ACAP2: variants seen among roughly 807,000 people sequenced by gnomAD.
ACAP2 encodes the protein arf-GAP with coiled-coil, ANK repeat and PH domain-containing protein 2.
A neutral mutation model predicts 115.8 loss-of-function variants in ACAP2; 39 were observed. That is an observed-to-expected ratio of 0.34 (90% CI 0.26 to 0.44). The LOEUF (loss-of-function observed/expected upper bound fraction) is 0.44, where lower values mean the gene tolerates loss of function less well. ACAP2 is among the 20% of genes least tolerant of loss of function. The pLI, the probability that ACAP2 is intolerant of heterozygous loss-of-function variation, is 1.00. For missense variants in ACAP2, 662 were observed against 927.6 expected, an observed-to-expected ratio of 0.71 and a Z score of 3.72; for synonymous variants, 289 against 315.8, an observed-to-expected ratio of 0.92 and a Z score of 0.90.
chr3:195,427,334 T>G (rs1004196484), intron 1 of ACAP2, among the ~76,000 whole-genome samples: 5 of 152,202 alleles, frequency 3.3e-5, no homozygotes, highest in African/African-American at 1.2e-4. Flanking sequence ...TAAAATCATT[T>G]TGTGTCGTTT....
At chr3:195,303,929 A>T (rs758374799) in intron 13 of ACAP2, among the ~76,000 whole-genome samples, 2 of 152,128 alleles carry the variant, frequency 1.3e-5, no homozygotes, top group Non-Finnish European at 2.9e-5. Context: ...TGGGAAGCCG[A>T]GGTGAGTGGA....
rs747017320 is a variant in ACAP2 at position 195,279,237 on chromosome 3, A to C, written c.*91T>G. On this transcript the variant is annotated 3_prime_UTR_variant, in exon 23 of 23. Coordinates refer to ENST00000326793, the MANE Select transcript of ACAP2 (RefSeq NM_012287.6). ...AGCCATTCAATATCTACCAAAATTA[A>C]GTAGAATTAAAGCAGTAAAAAAATT... 45 of 760,420 alleles carry C rather than the reference A, an allele frequency of 5.9e-5. No homozygotes were observed. Among genetic ancestry groups the C allele is most frequent in the Non-Finnish European group, 6.2e-5 (29 of 468,254 alleles). The allele number at this position is 760,420 out of a possible 1,614,324, so 47.1% of individuals were successfully genotyped here. A position where few individuals can be genotyped will look rare whatever the true frequency, so the allele number is the denominator to read the frequency against.
chr3:195,322,458 CA>C (rs1394841895), intron 9 of ACAP2, among the ~76,000 whole-genome samples: 1 of 151,912 alleles, frequency 6.6e-6, no homozygotes, highest in Non-Finnish European at 1.5e-5. Context: ...AGACTAAATT[CA>C]GAATTTCAAA....
chr3:195,404,893 G>A (rs1438170988), intron 1 of ACAP2, among the ~76,000 whole-genome samples: 8 of 151,308 alleles, frequency 5.3e-5, no homozygotes, highest in Non-Finnish European at 7.4e-5. Flanking sequence ...TGCTTCCCAG[G>A]TTCAAGCGAT....
At position 195,301,741 on chromosome 3, in the gene ACAP2, C is replaced by T. The variant is rs746818915; in HGVS notation, c.1326-97G>A. 70 of 1,239,896 alleles carry T rather than the reference C, an allele frequency of 5.6e-5. No individual in the cohort carries two copies. In the Middle Eastern group the frequency reaches 1.9e-3, roughly 34 times the overall value. The allele number at this position is 1,239,896 out of a possible 1,614,324, so 76.8% of individuals were successfully genotyped here. A position where few individuals can be genotyped will look rare whatever the true frequency, so the allele number is the denominator to read the frequency against. On this transcript the variant is annotated intron_variant, in intron 14 of 22. Transcript: ENST00000326793. ...GTGACACAGGCTCTAATAAAGCCCT[C>T]GGCATACACATATAGGCACAGATCT...
At chr3:195,355,301 T>C (rs2108680803) in intron 4 of ACAP2, among the ~76,000 whole-genome samples, 1 of 131,338 alleles carries the variant, frequency 7.6e-6, no homozygotes, top group East Asian at 2.6e-4. Flanking sequence ...TTTTTTTTGG[T>C]AGTTATTGTT....
intron 4 of ACAP2, among the ~76,000 whole-genome samples, chr3:195,362,442 A>T (rs1295071998): frequency 1.3e-5 from 2 of 152,174 alleles, no homozygotes; most frequent in Non-Finnish European, 2.9e-5. Flanking sequence ...TCTGAAAAAT[A>T]GCAAAGGAGG....
At chr3:195,325,768 T>A (rs1729753973) in intron 9 of ACAP2, among the ~76,000 whole-genome samples, 1 of 152,170 alleles carries the variant, frequency 6.6e-6, no homozygotes, top group Non-Finnish European at 1.5e-5. Context: ...CTTTTCATGA[T>A]CATGTCATTA....
intron 1 of ACAP2, among the ~76,000 whole-genome samples, chr3:195,432,629 C>T (rs1715222860): frequency 6.6e-6 from 1 of 152,204 alleles, no homozygotes. Flanking sequence ...TTGAATCCTC[C>T]AACTTCGTTC....
At chr3:195,385,811 C>T (rs1163362356) in intron 2 of ACAP2, among the ~76,000 whole-genome samples, 1 of 152,084 alleles carries the variant, frequency 6.6e-6, no homozygotes, top group East Asian at 1.9e-4. Context: ...GTTTTATAGG[C>T]CAGATACGGG....
intron 1 of ACAP2, among the ~76,000 whole-genome samples, chr3:195,438,292 T>G (rs1371971658): frequency 6.6e-6 from 1 of 151,830 alleles, no homozygotes; most frequent in Non-Finnish European, 1.5e-5. Flanking sequence ...CCTCCCAAAG[T>G]GCTAGGATTA....
chr3:195,298,041 C>T (rs74328645), intron 15 of ACAP2, among the ~76,000 whole-genome samples: 5,322 of 152,202 alleles, frequency 0.035, 166 homozygotes, highest in East Asian at 0.1. Flanking sequence ...AAAAATCATA[C>T]GTAGGTAAAA....
chr3:195,350,916 AT>A (rs1428367002), intron 4 of ACAP2, among the ~76,000 whole-genome samples: 2 of 152,092 alleles, frequency 1.3e-5, no homozygotes, highest in African/African-American at 4.8e-5. Flanking sequence ...ATTGAAAAAA[AT>A]CTTACTGAAT....
intron 4 of ACAP2, among the ~76,000 whole-genome samples, chr3:195,379,093 A>G (rs190996519): frequency 6.6e-4 from 100 of 152,252 alleles, no homozygotes; most frequent in African/African-American, 2.3e-3. Context: ...CTTATTAAAG[A>G]GAAATCAAAT....
At chr3:195,436,736 T>C (rs1715569916) in intron 1 of ACAP2, among the ~76,000 whole-genome samples, 2 of 152,132 alleles carry the variant, frequency 1.3e-5, no homozygotes, top group African/African-American at 2.4e-5. Context: ...ATGTAAAACA[T>C]ATAACAAGAG....
chr3:195,440,117 T>C (rs2108881138), intron 1 of ACAP2, among the ~76,000 whole-genome samples: 2 of 152,296 alleles, frequency 1.3e-5, no homozygotes, highest in Middle Eastern at 3.4e-3. Flanking sequence ...TGTAGATTTT[T>C]AGATGAACAA....
intron 2 of ACAP2, among the ~76,000 whole-genome samples, chr3:195,389,116 A>G (rs776185939): frequency 1.3e-5 from 2 of 152,106 alleles, no homozygotes; most frequent in African/African-American, 4.8e-5. Context: ...GCGAGGGAAA[A>G]CAGTGATTTT....
intron 4 of ACAP2, among the ~76,000 whole-genome samples, chr3:195,357,484 C>A (rs556184882): frequency 6.6e-6 from 1 of 152,108 alleles, no homozygotes; most frequent in Non-Finnish European, 1.5e-5. Flanking sequence ...TAAGAGAACA[C>A]AGCTTGCAGC....
intron 3 of ACAP2, among the ~76,000 whole-genome samples, 200 bp downstream of exon 3, chr3:195,381,703 C>G (rs1332896455): frequency 6.6e-6 from 1 of 151,998 alleles, no homozygotes; most frequent in South Asian, 2.1e-4. Flanking sequence ...AAGAGCCATG[C>G]TAGATAATGC....
Sources: gnomAD v4.1 joint callset for allele counts (sites outside exome capture counted in the v4.1 genomes callset) on GRCh38, gnomAD v4.1.1 for gene constraint, MANE v1.5 for transcripts, NCBI Gene and HGNC (gene_info 2026-07-23, HGNC 2026-07-21) for gene names.